The following MRTFB variants were observed in gnomAD, a reference collection of about 807,000 sequenced individuals.
MRTFB encodes myocardin-related transcription factor B.
In MRTFB, 29 loss-of-function variants were observed where a neutral mutation model predicts 104.2. That is an observed-to-expected ratio of 0.28 (90% CI 0.21 to 0.38). The LOEUF (loss-of-function observed/expected upper bound fraction) is 0.38, where lower values mean the gene tolerates loss of function less well. MRTFB is among the 10% of genes least tolerant of loss of function. The probability of loss-of-function intolerance (pLI) is 1.00; values close to 1 mark genes in which losing one functional copy is unlikely to be tolerated. For synonymous variants in MRTFB, 535 were observed against 519.5 expected (o/e 1.03, Z -0.41); for missense variants, 1,270 against 1,341.6 (o/e 0.95, Z 0.83).
At chr16:14,235,211 C>T (rs1040068766) in intron 9 of MRTFB, among the ~76,000 whole-genome samples, 18 of 152,208 alleles carry the variant, frequency 1.2e-4, no homozygotes, top group Non-Finnish European at 2.9e-5. Context: ...CGGGACTGTC[C>T]CTGTCCTTGA....
At chr16:14,115,201 C>T (rs1279363245) in intron 2 of MRTFB, among the ~76,000 whole-genome samples, 2 of 152,214 alleles carry the variant, frequency 1.3e-5, no homozygotes, top group Admixed American at 6.5e-5. Context: ...GGATCTTGTT[C>T]TTGCTACACA....
the MRTFB span, among the ~76,000 whole-genome samples, chr16:13,997,392 A>G: frequency 6.6e-6 from 1 of 152,192 alleles, no homozygotes; most frequent in Admixed American, 6.5e-5. Flanking sequence ...TTGAAAAAAT[A>G]CTATTGTATT....
At position 14,263,334 on chromosome 16, in the gene MRTFB, C is replaced by T. The variant is rs2043838955; in HGVS notation, c.*1890C>T. 6.6e-6 allele frequency: 1 copy of T among 152,192 alleles called. No homozygotes were observed. The highest frequency in any genetic ancestry group is 2.1e-4 in the South Asian group (1 of 4,830). 9.4% of individuals were successfully genotyped at this position (152,192 alleles called of 1,614,324 possible). ...TGTTCTGTGAATCCTCGAGTCAGTTCCATTGAGAGGGGCCTGTCTCCAGGG... is the reference window on the plus strand; with the variant it reads ...TGTTCTGTGAATCCTCGAGTCAGTTTCATTGAGAGGGGCCTGTCTCCAGGG... On this transcript the variant is annotated 3_prime_UTR_variant, in exon 17 of 17. Coordinates refer to ENST00000571589, the MANE Select transcript of MRTFB (RefSeq NM_001308142.2).
At chr16:14,207,413 C>T (rs2040997844) in intron 3 of MRTFB, among the ~76,000 whole-genome samples, 1 of 152,156 alleles carries the variant, frequency 6.6e-6, no homozygotes, top group South Asian at 2.1e-4. Flanking sequence ...TGTTCTTTGT[C>T]TTGGGTTTCT....
chr16:14,238,837 C>G lies in MRTFB; in HGVS notation c.832-1400C>G, dbSNP rs2042638289. Among the ~76,000 whole-genome samples the G allele has an allele frequency of 2.0e-5, 3 of 152,264 alleles. 1 individual carries two copies. In the South Asian group the frequency reaches 6.2e-4, roughly 32 times the overall value. On this transcript the variant is annotated intron_variant, in intron 9 of 16. Coordinates refer to ENST00000571589, the MANE Select transcript of MRTFB (RefSeq NM_001308142.2). ...AATACATAATTACTTTTTATAAATT[C>G]TTATTTACCAGTGTTTAAAAATAGG...
chr16:14,236,143 T>C (rs1356104749), intron 9 of MRTFB, among the ~76,000 whole-genome samples: 1 of 144,960 alleles, frequency 6.9e-6, no homozygotes, highest in Admixed American at 6.6e-5. Flanking sequence ...ATCATGTGCC[T>C]GCACTCCAGC....
At chr16:14,058,712 GTT>G in the MRTFB span, among the ~76,000 whole-genome samples, 5,258 of 85,132 alleles carry the variant, frequency 0.062, 30 homozygotes, top group East Asian at 0.18. Flanking sequence ...ATTTGTATTT[GTT>G]TTTTTTTTTT....
At chr16:14,109,421 A>G (rs1041674640) in intron 2 of MRTFB, among the ~76,000 whole-genome samples, 4 of 152,268 alleles carry the variant, frequency 2.6e-5, no homozygotes, top group Admixed American at 2.6e-4. Context: ...GAATAGTATG[A>G]GGATATCAAG....
chr16:14,259,154 G>T (rs963977153), intron 16 of MRTFB, among the ~76,000 whole-genome samples: 19 of 152,290 alleles, frequency 1.2e-4, no homozygotes, highest in African/African-American at 4.6e-4. Flanking sequence ...ACTTCAGCCG[G>T]CCAACCCCCG....
intron 3 of MRTFB, among the ~76,000 whole-genome samples, chr16:14,176,942 G>A (rs1432514889): frequency 6.6e-6 from 1 of 152,174 alleles, no homozygotes; most frequent in Non-Finnish European, 1.5e-5. Flanking sequence ...ACTTTCAGGG[G>A]TGGAGAGAGA....
the MRTFB span, among the ~76,000 whole-genome samples, chr16:14,064,447 T>C: frequency 7.9e-5 from 12 of 152,372 alleles, no homozygotes; most frequent in South Asian, 2.3e-3. Flanking sequence ...TAGTTTCTTA[T>C]GCTGTGCAGA....
At chr16:14,121,526 A>G (rs1296569112) in intron 2 of MRTFB, among the ~76,000 whole-genome samples, 4 of 152,244 alleles carry the variant, frequency 2.6e-5, no homozygotes, top group Non-Finnish European at 5.9e-5. Flanking sequence ...TAAATAAGTT[A>G]GAGAAAATTG....
At chr16:14,190,155 A>G (rs2040113268) in intron 3 of MRTFB, among the ~76,000 whole-genome samples, 1 of 152,196 alleles carries the variant, frequency 6.6e-6, no homozygotes, top group African/African-American at 2.4e-5. Flanking sequence ...ATGTGGTTGG[A>G]GAATTTAATT....
the MRTFB span, among the ~76,000 whole-genome samples, chr16:14,038,664 A>C: frequency 2.0e-5 from 3 of 152,144 alleles, no homozygotes; most frequent in Non-Finnish European, 4.4e-5. Flanking sequence ...GTTACCCTCA[A>C]ACTTAGTGGC....
intron 2 of MRTFB, among the ~76,000 whole-genome samples, chr16:14,086,179 G>A (rs2034694063): frequency 6.6e-6 from 1 of 152,198 alleles, no homozygotes; most frequent in African/African-American, 2.4e-5. Flanking sequence ...TGAGAAGAAT[G>A]TATAATAAAT....
intron 3 of MRTFB, chr16:14,142,645 A>G (rs1324327545): frequency 6.6e-6 from 1 of 152,232 alleles, no homozygotes; most frequent in African/African-American, 2.4e-5. Flanking sequence ...GATCAGATTT[A>G]CACAGTACAC....
intron 2 of MRTFB, among the ~76,000 whole-genome samples, chr16:14,109,867 A>G (rs888164147): frequency 3.9e-5 from 6 of 152,242 alleles, no homozygotes; most frequent in Non-Finnish European, 8.8e-5. Flanking sequence ...GACAGTATAA[A>G]GAATATCAAA....
the MRTFB span, among the ~76,000 whole-genome samples, chr16:14,054,695 A>G: frequency 2.0e-5 from 3 of 152,162 alleles, no homozygotes; most frequent in African/African-American, 7.2e-5. Context: ...GACAGGAACC[A>G]TGTCTGTAGG....
chr16:14,252,584 C>A (rs1161505404), intron 15 of MRTFB, 82 bp downstream of exon 15: 17 of 1,452,504 alleles, frequency 1.2e-5, no homozygotes, highest in Non-Finnish European at 1.6e-5. Context: ...TACAGAATCC[C>A]TTGTCTGAAA....
Sources: allele counts gnomAD v4.1 joint callset (sites outside exome capture counted in the v4.1 genomes callset), GRCh38; gene constraint gnomAD v4.1.1; transcripts MANE v1.5; gene names NCBI Gene and HGNC (gene_info 2026-07-23, HGNC 2026-07-21).